The following COL23A1 variants were observed in gnomAD, a reference collection of about 807,000 sequenced individuals.
The protein encoded by COL23A1 is collagen type XXIII alpha 1 chain, also known as collagen alpha-1(XXIII) chain.
In COL23A1, 97 loss-of-function variants were observed where a neutral mutation model predicts 99.3. That is an observed-to-expected ratio of 0.98 (90% CI 0.83 to 1.16). The LOEUF is 1.16. Ranked by LOEUF, COL23A1 falls within the 50% of genes most tolerant of loss-of-function variation. The pLI, the probability that COL23A1 is intolerant of heterozygous loss-of-function variation, is 0.00. For missense variants in COL23A1, 762 were observed against 757.4 expected (o/e 1.01, Z -0.07); for synonymous variants, 320 against 308.2 (o/e 1.04, Z -0.40).
At chr5:178,344,365 G>T (rs1006250204) in intron 2 of COL23A1, among the ~76,000 whole-genome samples, 3 of 152,092 alleles carry the variant, frequency 2.0e-5, no homozygotes, top group African/African-American at 7.2e-5. Flanking sequence ...GGCCGGGCGT[G>T]GTGGCTCACG....
intron 5 of COL23A1, among the ~76,000 whole-genome samples, chr5:178,277,938 G>T (rs575887358): frequency 6.6e-6 from 1 of 152,296 alleles, no homozygotes; most frequent in South Asian, 2.1e-4. Flanking sequence ...GGGACCGGCG[G>T]GCCGGGATGT....
chr5:178,259,821 T>G, intron 11 of COL23A1, 74 bp from the exon 12 acceptor site: 2 of 1,404,446 alleles, frequency 1.4e-6, no homozygotes, highest in Non-Finnish European at 1.9e-6. Context: ...GGACCTCTTG[T>G]TCCTCGGGTA....
At chr5:178,272,901 C>T (rs943903714) in intron 5 of COL23A1, among the ~76,000 whole-genome samples, 1 of 152,180 alleles carries the variant, frequency 6.6e-6, no homozygotes, top group Non-Finnish European at 1.5e-5. Context: ...CCCACTCAGT[C>T]TCAGTCACAC....
intron 2 of COL23A1, among the ~76,000 whole-genome samples, chr5:178,401,012 C>G (rs1764418617): frequency 6.6e-6 from 1 of 152,214 alleles, no homozygotes; most frequent in South Asian, 2.1e-4. Flanking sequence ...TTCCCATTTC[C>G]CCCAGTGCCT....
chr5:178,560,838 A>ATG (rs1244777631), intron 1 of COL23A1, 90 bp from the exon 2 acceptor site: 1 of 1,286,062 alleles, frequency 7.8e-7, no homozygotes, highest in African/African-American at 1.5e-5. Flanking sequence ...GCAAAAACAA[A>ATG]TGTATCTAAA....
chr5:178,302,323 G>C, intron 3 of COL23A1, among the ~76,000 whole-genome samples: 1 of 143,292 alleles, frequency 7.0e-6, no homozygotes, highest in South Asian at 2.3e-4. Context: ...CTCTGTGTGC[G>C]CCGGAGCACG....
chr5:178,490,914 T>C (rs1757897912), intron 2 of COL23A1, among the ~76,000 whole-genome samples: 1 of 152,112 alleles, frequency 6.6e-6, no homozygotes, highest in African/African-American at 2.4e-5. Flanking sequence ...CTCGAGGAGC[T>C]TGACTTTAAA....
At chr5:178,408,172 A>G (rs1004608058) in intron 2 of COL23A1, among the ~76,000 whole-genome samples, 1 of 152,230 alleles carries the variant, frequency 6.6e-6, no homozygotes, top group Admixed American at 6.5e-5. Flanking sequence ...AGGAAGTGGC[A>G]AACATTTTTT....
intron 2 of COL23A1, among the ~76,000 whole-genome samples, chr5:178,399,058 G>A (rs1764299443): frequency 6.6e-6 from 1 of 152,242 alleles, no homozygotes; most frequent in South Asian, 2.1e-4. Flanking sequence ...CTGGGCTTGT[G>A]GGCTTCAGTT....
intron 2 of COL23A1, chr5:178,344,753 G>GGGCCTACTGTATGCCCGT: frequency 2.3e-6 from 1 of 425,562 alleles, no homozygotes; most frequent in Non-Finnish European, 4.4e-6. Flanking sequence ...CTGAAACAGA[G>GGGCCTACTGTATGCCCGT]GGCCTACTGT....
At chr5:178,319,318 G>A (rs1018713729) in intron 2 of COL23A1, among the ~76,000 whole-genome samples, 6 of 152,176 alleles carry the variant, frequency 3.9e-5, no homozygotes, top group African/African-American at 9.7e-5. Context: ...CATTCACCCC[G>A]AGTCTTAATC....
intron 2 of COL23A1, among the ~76,000 whole-genome samples, chr5:178,379,106 C>A (rs1010662379): frequency 1.3e-5 from 2 of 152,062 alleles, no homozygotes; most frequent in African/African-American, 4.8e-5. Flanking sequence ...ATTCTGCACA[C>A]GTCAAGCTCA....
rs192954949 is a variant in COL23A1 at position 178,459,772 on chromosome 5, T to C, written c.361+100910A>G. On this transcript the variant is annotated intron_variant, in intron 2 of 28. Coordinates refer to ENST00000390654, the MANE Select transcript of COL23A1 (RefSeq NM_173465.4). The stretch of plus-strand genomic sequence containing the variant: ...GCAAGATGCTGTCTCAAAAAATTAA[T>C]ATAAAAAGGGTTAGAAGACATTTCA... Among the ~76,000 whole-genome samples, 18 of 152,080 alleles carry C rather than the reference T, an allele frequency of 1.2e-4. No homozygotes were observed. In the East Asian group the frequency reaches 2.7e-3, roughly 23 times the overall value.
intron 2 of COL23A1, among the ~76,000 whole-genome samples, chr5:178,473,189 A>G (rs1756851880): frequency 6.6e-6 from 1 of 152,188 alleles, no homozygotes; most frequent in East Asian, 1.9e-4. Flanking sequence ...ATAAAAATAC[A>G]GTAGAACAAT....
intron 5 of COL23A1, among the ~76,000 whole-genome samples, chr5:178,271,509 T>C (rs541946349): frequency 6.6e-6 from 1 of 152,344 alleles, no homozygotes; most frequent in African/African-American, 2.4e-5. Flanking sequence ...TTCTGTCGCA[T>C]GTGACATGAC....
Position 178,247,816 on chromosome 5 carries a change from C to G in COL23A1, c.1228G>C (p.Glu410Gln). ...LQESLAQLIV[E>Q]PGPPGPPGPP... ...CCAGGGGGGCCAGGGGGCCCTGGCTCCACTATGAGCTGAGCCTAGGGAGGG... is the reference window on the plus strand; with the variant it reads ...CCAGGGGGGCCAGGGGGCCCTGGCTGCACTATGAGCTGAGCCTAGGGAGGG... Residue 410 changes from glutamate (E) to glutamine (Q), a missense_variant, in exon 21 of 29, where the codon GAG (glutamate) becomes CAG (glutamine). By Grantham distance (29) the Glu-to-Gln change is conservative (BLOSUM62 2). Coordinates refer to ENST00000390654, the MANE Select transcript of COL23A1 (RefSeq NM_173465.4). 1 of 1,613,048 alleles carries G rather than the reference C, an allele frequency of 6.2e-7. No homozygotes were observed. Among genetic ancestry groups the G allele is most frequent in the Non-Finnish European group, 8.5e-7 (1 of 1,179,508 alleles).
intron 2 of COL23A1, among the ~76,000 whole-genome samples, chr5:178,531,226 G>A (rs1427095004): frequency 2.0e-5 from 3 of 152,172 alleles, no homozygotes; most frequent in South Asian, 4.1e-4. Flanking sequence ...AGTAGGTAAC[G>A]GGAACAAGAT....
intron 2 of COL23A1, among the ~76,000 whole-genome samples, chr5:178,426,748 C>T (rs1765960271): frequency 6.6e-6 from 1 of 152,224 alleles, no homozygotes; most frequent in African/African-American, 2.4e-5. Flanking sequence ...CCAAAGTATA[C>T]AAAGAACTCT....
intron 2 of COL23A1, among the ~76,000 whole-genome samples, chr5:178,497,325 G>C (rs1393151647): frequency 6.6e-6 from 1 of 152,200 alleles, no homozygotes; most frequent in Non-Finnish European, 1.5e-5. Flanking sequence ...GTCCAGCTTT[G>C]CTGCATCAAG....
Sources: gnomAD v4.1 joint callset for allele counts (sites outside exome capture counted in the v4.1 genomes callset) on GRCh38, gnomAD v4.1.1 for gene constraint, MANE v1.5 for transcripts, NCBI Gene and HGNC (gene_info 2026-07-23, HGNC 2026-07-21) for gene names.